PTK2B: variants seen among roughly 807,000 people sequenced by gnomAD.
The protein encoded by PTK2B is protein-tyrosine kinase 2-beta.
Under a neutral mutation model 142.9 loss-of-function variants are expected in PTK2B, and 71 were observed. The ratio of observed to expected loss-of-function variants is 0.50; its 90% CI spans 0.41 to 0.61. The LOEUF (loss-of-function observed/expected upper bound fraction) is 0.61. Among genes scored for constraint, PTK2B ranks in the 20% least tolerant of loss-of-function variants. The pLI, the probability that PTK2B is intolerant of heterozygous loss-of-function variation, is 0.00. For synonymous variants in PTK2B, 519 were observed against 503.4 expected, an observed-to-expected ratio of 1.03 and a Z score of -0.42; for missense variants, 1,105 against 1,320.4, an observed-to-expected ratio of 0.84 and a Z score of 2.53.
At chr8:27,387,319 T>G (rs910339139) in intron 1 of PTK2B, among the ~76,000 whole-genome samples, 10 of 152,190 alleles carry the variant, frequency 6.6e-5, no homozygotes, top group African/African-American at 2.4e-4. Context: ...CCTTGGGAGA[T>G]ATCAGTGAGG....
chr8:27,392,480 C>A (rs1299945072), intron 1 of PTK2B, among the ~76,000 whole-genome samples: 1 of 152,178 alleles, frequency 6.6e-6, no homozygotes, highest in Non-Finnish European at 1.5e-5. Flanking sequence ...TATGTTTTCT[C>A]ACTTCATCTT....
In PTK2B at chr8:27,339,878, A is replaced by G. The variant is rs1427215147; in HGVS notation, c.-38+14197A>G. Among the ~76,000 whole-genome samples the G allele has an allele frequency of 2.6e-5, 4 of 152,212 alleles. No homozygotes were observed. The South Asian group carries it at 8.3e-4, about 31-fold the overall frequency. On this transcript the variant is annotated intron_variant, in intron 1 of 30. Coordinates refer to ENST00000346049, the MANE Select transcript of PTK2B (RefSeq NM_173176.3). ...GATCCCTTCTGTAGAATTTTAGTCC[A>G]TTCCTGGGCAGGATTCCAGTGTTTC...
intron 1 of PTK2B, among the ~76,000 whole-genome samples, chr8:27,394,446 A>C (rs1807916678): frequency 6.6e-6 from 1 of 152,242 alleles, no homozygotes; most frequent in Non-Finnish European, 1.5e-5. Context: ...GTACAGTAAA[A>C]ATACAGTGTA....
intron 1 of PTK2B, among the ~76,000 whole-genome samples, chr8:27,331,844 T>C (rs575410057): frequency 1.2e-3 from 186 of 152,344 alleles, no homozygotes; most frequent in African/African-American, 4.3e-3. Context: ...TCCATCCCAC[T>C]GCTCTGGGAA....
chr8:27,436,237 C>G lies in PTK2B; in HGVS notation c.1244-14C>G. 3.1e-6 allele frequency: 5 copies of G among 1,613,436 alleles called. No individual in the cohort carries two copies. The highest frequency in any genetic ancestry group is 4.2e-6 in the Non-Finnish European group (5 of 1,179,506). The stretch of plus-strand genomic sequence containing the variant: ...GATCTCTGTGATCTGCGACTGTTTT[C>G]TCTGTCTGTGCAGGTCCACAGTATG... On this transcript the variant is annotated splice_polypyrimidine_tract_variant and intron_variant, in intron 14 of 30. Transcript: ENST00000346049.
At chr8:27,406,706 G>A (rs571463902) in intron 2 of PTK2B, among the ~76,000 whole-genome samples, 1 of 152,244 alleles carries the variant, frequency 6.6e-6, no homozygotes, top group South Asian at 2.1e-4. Flanking sequence ...TGGGTGAACA[G>A]TCCCATACAA....
At chr8:27,320,452 G>C (rs1392745956) in intron 3 of PTK2B, among the ~76,000 whole-genome samples, 1 of 152,182 alleles carries the variant, frequency 6.6e-6, no homozygotes, top group African/African-American at 2.4e-5. Flanking sequence ...TCCAGCTTCA[G>C]ATGCCAGTAG....
intron 1 of PTK2B, among the ~76,000 whole-genome samples, chr8:27,338,379 T>C (rs1490094119): frequency 6.7e-6 from 1 of 148,524 alleles, no homozygotes; most frequent in Non-Finnish European, 1.5e-5. Context: ...CAATGGACTT[T>C]GGGGGAATCG....
chr8:27,375,590 A>G (rs1450017557), intron 1 of PTK2B, among the ~76,000 whole-genome samples: 1 of 152,156 alleles, frequency 6.6e-6, no homozygotes, highest in Non-Finnish European at 1.5e-5. Context: ...CCAGTGTTAA[A>G]TCCTACAGTG....
intron 1 of PTK2B, among the ~76,000 whole-genome samples, chr8:27,342,078 G>A (rs866025243): frequency 5.3e-5 from 8 of 152,268 alleles, no homozygotes; most frequent in South Asian, 2.1e-4. Context: ...TGATGTGGAC[G>A]CTGCTGGCCT....
At chr8:27,321,565 G>T (rs2130647846), upstream of PTK2B, among the ~76,000 whole-genome samples, 1 of 152,324 alleles carries the variant, frequency 6.6e-6, no homozygotes, top group Middle Eastern at 3.4e-3. Context: ...CTGGATGGCT[G>T]CTCCAGGTTT....
intron 5 of PTK2B, among the ~76,000 whole-genome samples, chr8:27,426,272 T>C (rs1242156109): frequency 6.6e-6 from 1 of 152,272 alleles, no homozygotes; most frequent in African/African-American, 2.4e-5. Flanking sequence ...TATTTTCTGC[T>C]GTCCTTACCT....
At chr8:27,398,633 G>T (rs372608104) in intron 2 of PTK2B, among the ~76,000 whole-genome samples, 1 of 152,328 alleles carries the variant, frequency 6.6e-6, no homozygotes, top group East Asian at 1.9e-4. Flanking sequence ...GGGAAATCCA[G>T]ATTGGTTCTC....
chr8:27,332,162 G>T (rs893771404), intron 1 of PTK2B, among the ~76,000 whole-genome samples: 3 of 152,228 alleles, frequency 2.0e-5, no homozygotes, highest in Non-Finnish European at 4.4e-5. Context: ...CAGTTTTTCA[G>T]CCCGGGCAAG....
intron 10 of PTK2B, among the ~76,000 whole-genome samples, chr8:27,432,702 A>G (rs1810679137): frequency 6.6e-6 from 1 of 152,126 alleles, no homozygotes; most frequent in South Asian, 2.1e-4. Flanking sequence ...CCTCAAAAAC[A>G]TGGGTTTTTT....
At chr8:27,439,187 A>T (rs1333175096) in intron 19 of PTK2B, 56 bp downstream of exon 19, 2 of 1,578,466 alleles carry the variant, frequency 1.3e-6, no homozygotes, top group African/African-American at 2.7e-5. Flanking sequence ...GAAGCCAAAA[A>T]TTCCAGAAGA....
chr8:27,400,677 C>T (rs895957747), intron 2 of PTK2B, among the ~76,000 whole-genome samples: 3 of 152,036 alleles, frequency 2.0e-5, no homozygotes, highest in African/African-American at 4.8e-5. Context: ...TTTGCTTGGG[C>T]GACTAAATGG....
At chr8:27,409,613 A>T (rs1808934484) in intron 2 of PTK2B, among the ~76,000 whole-genome samples, 1 of 152,222 alleles carries the variant, frequency 6.6e-6, no homozygotes. Context: ...TTTGGGTCTT[A>T]TCTGATTGTA....
chr8:27,430,317 T>C, intron 6 of PTK2B, 47 bp from the exon 7 acceptor site: 1 of 1,611,424 alleles, frequency 6.2e-7, no homozygotes, highest in Non-Finnish European at 8.5e-7. Flanking sequence ...AGTCCTGTGG[T>C]GGGGGTGAGG....
Sources: allele counts gnomAD v4.1 joint callset (sites outside exome capture counted in the v4.1 genomes callset), GRCh38; gene constraint gnomAD v4.1.1; transcripts MANE v1.5; gene names NCBI Gene and HGNC (gene_info 2026-07-23, HGNC 2026-07-21).